Variants in LMNTD2 observed in about 807,000 individuals in gnomAD.
LMNTD2 encodes the protein lamin tail domain containing 2.
LMNTD2 carries 83 observed loss-of-function variants against 70.1 expected under a neutral mutation model. That is an observed-to-expected ratio of 1.18 (90% confidence interval 0.99 to 1.42). The LOEUF is 1.42. LMNTD2 is among the 40% of genes most tolerant of loss of function. LMNTD2 has a pLI of 0.00. For synonymous variants in LMNTD2, 534 were observed against 406.1 expected (o/e 1.31, Z -3.79); for missense variants, 1,153 against 905.9 (o/e 1.27, Z -3.50).
In LMNTD2 at chr11:555,044, C is replaced by T. The variant is rs747459044; in HGVS notation, c.1841G>A (p.Ser614Asn). Residue 614 changes from serine (S) to asparagine (N), a missense_variant, in exon 14 of 14, where the codon AGC becomes AAC. Ser to Asn is a conservative substitution (Grantham distance 46, BLOSUM62 1). Coordinates refer to ENST00000329451, the MANE Select transcript of LMNTD2 (RefSeq NM_173573.3). ...GCTGAGGAAGCGGAAGCCGAATCTGCTCTCCGCCGTGTTCTGCACCGACAG... is the reference window on the plus strand; with the variant it reads ...GCTGAGGAAGCGGAAGCCGAATCTGTTCTCCGCCGTGTTCTGCACCGACAG... ...VALSVQNTAE[S>N]RFGFRFLSCL... 3.1e-6 allele frequency: 5 copies of T among 1,594,448 alleles called. No individual in the cohort carries two copies. Among genetic ancestry groups the T allele is most frequent in the South Asian group, 1.1e-5 (1 of 89,260 alleles).
Position 556,595 on chromosome 11 carries a change from A to G in LMNTD2, c.977-7T>C, listed in dbSNP as rs1271476218. 2.3e-5 allele frequency: 35 copies of G among 1,515,758 alleles called. No individual in the cohort carries two copies. Among genetic ancestry groups the G allele is most frequent in the Non-Finnish European group, 3.1e-5 (35 of 1,131,958 alleles). 93.9% of individuals were successfully genotyped at this position (1,515,758 alleles called of 1,614,324 possible). A position where few individuals can be genotyped will look rare whatever the true frequency, so the allele number is the denominator to read the frequency against. ...GAGTGGGTTTTCTGGAGATCTAGAG[A>G]GAGCAGCGCTTTTGGGGAGGGGACC... is the stretch of plus-strand genomic sequence containing the variant. On this transcript the variant is annotated splice_polypyrimidine_tract_variant and splice_region_variant and intron_variant, in intron 8 of 13. Coordinates refer to ENST00000329451, the MANE Select transcript of LMNTD2 (RefSeq NM_173573.3).
chr11:559,581 G>GCATC (rs765844006), intron 1 of LMNTD2: 3 of 1,189,580 alleles, frequency 2.5e-6, no homozygotes, highest in Non-Finnish European at 3.2e-6. Flanking sequence ...GGAGGCCCCA[G>GCATC]CATCCCCTAC....
In LMNTD2 at chr11:556,895, G is replaced by A. The variant is rs780141389; in HGVS notation, c.916C>T (p.His306Tyr). The A allele has an allele frequency of 6.3e-7, 1 of 1,597,156 alleles. No homozygotes were observed. Among genetic ancestry groups the A allele is most frequent in the Non-Finnish European group, 8.5e-7 (1 of 1,174,252 alleles). Reference protein sequence around the residue: ...VQVIGHPPRDHRASSEQALVQ... With the variant: ...VQVIGHPPRDYRASSEQALVQ... The stretch of plus-strand genomic sequence containing the variant: ...AGCGCTTGCTCGGAGGAAGCGCGGT[G>A]GTCCCGGGGCGGGTGCCCTATCACC... The change falls in exon 8 of 14, where the codon CAC becomes TAC. Residue 306 changes from histidine (H) to tyrosine (Y), a missense_variant. Physicochemically the swap from His to Tyr is moderately conservative, Grantham distance 83. Transcript: ENST00000329451.
chr11:557,434 G>A lies in LMNTD2; in HGVS notation c.678C>T (p.Asn226=), dbSNP rs559184519. The change falls in exon 7 of 14, where the codon AAC becomes AAT. Residue 226 remains asparagine, a synonymous_variant. Transcript: ENST00000329451. ...AGCTGGGCTCCATGTTGGTGAAGAGGTTGGGATACCGGCGGGCAACGCTGT... is the reference window on the plus strand; with the variant it reads ...AGCTGGGCTCCATGTTGGTGAAGAGATTGGGATACCGGCGGGCAACGCTGT... ...DWNSVARRYP[N]LFTNMEPSSK... is the part of the protein sequence containing the mutation. 185 of 1,610,174 alleles carry A rather than the reference G, an allele frequency of 1.1e-4. 3 individuals are homozygous for A. In the South Asian group the frequency reaches 1.9e-3, roughly 17 times the overall value.
intron 12 of LMNTD2, 36 bp downstream of exon 12, chr11:555,698 G>A (rs1852807817): frequency 7.3e-7 from 1 of 1,371,368 alleles, no homozygotes; most frequent in Admixed American, 4.0e-5. Flanking sequence ...GGGGCCTGGG[G>A]AGGGAGGCCA....
rs779181531 is a variant in LMNTD2 at position 558,613 on chromosome 11, C to T, written c.311+1G>A. On this transcript the variant is annotated splice_donor_variant, in intron 3 of 13. Transcript: ENST00000329451. LOFTEE classifies it high-confidence loss of function. ...GTTGGGCTGGGGACTGTGCTGCAGA[C>T]CTCTTGGGCGGAAGCCCCGCCACCT... 55 of 1,604,912 alleles carry T rather than the reference C, an allele frequency of 3.4e-5. No homozygotes were observed. The Middle Eastern group carries it at 1.1e-3, about 33-fold the overall frequency.
chr11:556,813 G>T, intron 8 of LMNTD2, 22 bp downstream of exon 8: 1 of 1,537,312 alleles, frequency 6.5e-7, no homozygotes, highest in South Asian at 1.3e-5. Context: ...AGGGTAACCA[G>T]GGGAGACCCG....
At chr11:559,908 C>T (rs563270601) in intron 1 of LMNTD2, 50 of 324,168 alleles carry the variant, frequency 1.5e-4, no homozygotes, top group Non-Finnish European at 1.9e-4. Flanking sequence ...TACAGGCACC[C>T]GCCTCCACCG....
intron 3 of LMNTD2, 90 bp downstream of exon 3, chr11:558,524 C>G: frequency 6.8e-7 from 1 of 1,465,066 alleles, no homozygotes; most frequent in Non-Finnish European, 9.1e-7. Context: ...AAGGATCTGC[C>G]TCAGCGGTTG....
chr11:556,920 C>T lies in LMNTD2; in HGVS notation c.891G>A (p.Gln297=). ...SCRPGLPSFV[Q]VIGHPPRDHR... is the part of the protein sequence containing the mutation. ...GGTCCCGGGGCGGGTGCCCTATCACCTGCACGAAGGAAGGCAGGCCCGGCC... is the reference window on the plus strand; with the variant it reads ...GGTCCCGGGGCGGGTGCCCTATCACTTGCACGAAGGAAGGCAGGCCCGGCC... The change falls in exon 8 of 14, where the codon CAG becomes CAA. Residue 297 remains glutamine (Q), a synonymous_variant. Transcript: ENST00000329451. 6.3e-7 allele frequency: 1 copy of T among 1,597,964 alleles called. No homozygotes were observed. Among genetic ancestry groups the T allele is most frequent in the Non-Finnish European group, 8.5e-7 (1 of 1,175,950 alleles).
At position 558,264 on chromosome 11, in the gene LMNTD2, C is replaced by T. The variant is rs749338092; in HGVS notation, c.312-16G>A. The T allele has an allele frequency of 6.2e-7, 1 of 1,612,114 alleles. No individual in the cohort carries two copies. The highest frequency in any genetic ancestry group is 1.1e-5 in the South Asian group (1 of 90,984). On this transcript the variant is annotated splice_polypyrimidine_tract_variant and intron_variant, in intron 3 of 13. Transcript: ENST00000329451. ...GTGGGAGCTCCTGGAGGAGGGGTGA[C>T]CTCAGCAGCCCCCACCCTGCTCAGG...
Position 555,035 on chromosome 11 carries a change from C to T in LMNTD2, c.1850G>A (p.Gly617Asp), listed in dbSNP as rs1852697677. The T allele has an allele frequency of 1.9e-6, 3 of 1,593,932 alleles. No individual in the cohort carries two copies. The highest frequency in any genetic ancestry group is 2.2e-5 in the South Asian group (2 of 89,172). ...CGGCAGGCAGCTGAGGAAGCGGAAGCCGAATCTGCTCTCCGCCGTGTTCTG... is the reference window on the plus strand; with the variant it reads ...CGGCAGGCAGCTGAGGAAGCGGAAGTCGAATCTGCTCTCCGCCGTGTTCTG... The part of the protein sequence containing the change: ...SVQNTAESRF[G>D]FRFLSCLPVT... The change falls in exon 14 of 14, where the codon GGC becomes GAC. Residue 617 changes from glycine (G) to aspartate (D), a missense_variant. Gly to Asp is a moderately conservative substitution (Grantham distance 94). Transcript: ENST00000329451.
rs1251135605 is a variant in LMNTD2 at position 555,050 on chromosome 11, G to A, written c.1835C>T (p.Ala612Val). The change falls in exon 14 of 14, where the codon GCG becomes GTG. Residue 612 changes from alanine to valine, a missense_variant. Physicochemically the swap from Ala to Val is moderately conservative, Grantham distance 64 (BLOSUM62 0). Coordinates refer to ENST00000329451, the MANE Select transcript of LMNTD2 (RefSeq NM_173573.3). ...PLVALSVQNTAESRFGFRFLS... is the reference protein window; with the variant it reads ...PLVALSVQNTVESRFGFRFLS... ...GAAGCGGAAGCCGAATCTGCTCTCC[G>A]CCGTGTTCTGCACCGACAGGGCCAC... The A allele has an allele frequency of 1.3e-6, 2 of 1,593,010 alleles. No homozygotes were observed. Among genetic ancestry groups the A allele is most frequent in the East Asian group, 2.4e-5 (1 of 42,522 alleles).
chr11:557,229 A>C, intron 7 of LMNTD2, 132 bp from the exon 8 acceptor site: 1 of 1,401,230 alleles, frequency 7.1e-7, no homozygotes, highest in Non-Finnish European at 9.6e-7. Flanking sequence ...ATGGCAGGAC[A>C]GTGATGGCTG....
At chr11:556,146 C>CGGCCG (rs968564937) in intron 10 of LMNTD2, 31 bp from the exon 11 acceptor site, 12 of 1,320,392 alleles carry the variant, frequency 9.1e-6, no homozygotes, top group African/African-American at 3.1e-5. Flanking sequence ...GGGTGAGGGG[C>CGGCCG]GGCCGGGCCG....
At chr11:556,792 A>AG (rs1852912563) in intron 8 of LMNTD2, 43 bp downstream of exon 8, 1 of 1,455,238 alleles carries the variant, frequency 6.9e-7, no homozygotes, top group Admixed American at 2.2e-5. Context: ...GAGGGGGTGG[A>AG]GGGTGGGTGA....
Position 555,794 on chromosome 11 carries a change from G to T in LMNTD2, c.1514C>A (p.Pro505Gln). The T allele has an allele frequency of 6.6e-7, 1 of 1,519,154 alleles. No individual in the cohort carries two copies. Among genetic ancestry groups the T allele is most frequent in the South Asian group, 1.2e-5 (1 of 80,754 alleles). The allele number at this position is 1,519,154 out of a possible 1,614,324, so 94.1% of individuals were successfully genotyped here. ...PGADTRKPPR[P>Q]PRPLRKGRVR... ...CCGGCCTTTGCGCAGGGGTCGAGGT[G>T]GGCGCGGCGGCTTGCGGGTGTCGGC... Residue 505 changes from proline (P) to glutamine (Q), a missense_variant, in exon 12 of 14, where the codon CCA becomes CAA. By Grantham distance (76) the Pro-to-Gln change is moderately conservative (BLOSUM62 -1). Transcript: ENST00000329451.
Position 558,386 on chromosome 11 carries a change from G to A in LMNTD2, c.312-138C>T, listed in dbSNP as rs1457091775. 17 of 1,126,426 alleles carry A rather than the reference G, an allele frequency of 1.5e-5. No homozygotes were observed. The East Asian group carries it at 2.3e-4, about 15-fold the overall frequency. The allele number at this position is 1,126,426 out of a possible 1,614,324, so 69.8% of individuals were successfully genotyped here. A position where few individuals can be genotyped will look rare whatever the true frequency, so the allele number is the denominator to read the frequency against. ...AGGGCACACAGTACAGCCCCGCTGGGGCTGGCCAGCCTCCGGCTGGTCTGG... is the reference window on the plus strand; with the variant it reads ...AGGGCACACAGTACAGCCCCGCTGGAGCTGGCCAGCCTCCGGCTGGTCTGG... On this transcript the variant is annotated intron_variant, in intron 3 of 13. Coordinates refer to ENST00000329451, the MANE Select transcript of LMNTD2 (RefSeq NM_173573.3).
chr11:557,449 G>A lies in LMNTD2; in HGVS notation c.663C>T (p.Ala221=). 3.7e-6 allele frequency: 6 copies of A among 1,609,720 alleles called. No individual in the cohort carries two copies. The highest frequency in any genetic ancestry group is 5.1e-6 in the Non-Finnish European group (6 of 1,178,048). ...RLEDVDWNSV[A]RRYPNLFTNM... is the part of the protein sequence containing the mutation. Reference sequence around the variant, plus strand: ...TGGTGAAGAGGTTGGGATACCGGCGGGCAACGCTGTTCCAATCCACGTCCT... The same window carrying A: ...TGGTGAAGAGGTTGGGATACCGGCGAGCAACGCTGTTCCAATCCACGTCCT... Residue 221 remains alanine (A), a synonymous_variant, in exon 7 of 14, where the codon GCC becomes GCT. Coordinates refer to ENST00000329451, the MANE Select transcript of LMNTD2 (RefSeq NM_173573.3).
Sources: allele counts gnomAD v4.1 joint callset, GRCh38; gene constraint gnomAD v4.1.1; transcripts MANE v1.5; gene names NCBI Gene and HGNC (gene_info 2026-07-23, HGNC 2026-07-21).